The following EEA1 variants were observed in gnomAD, a reference collection of about 807,000 sequenced individuals.
EEA1 encodes the protein early endosome antigen 1, 162kD.
Under a neutral mutation model 209.2 loss-of-function variants are expected in EEA1, and 111 were observed. That is an observed-to-expected ratio of 0.53 (90% CI 0.45 to 0.62). The LOEUF (loss-of-function observed/expected upper bound fraction) is 0.62, where lower values mean the gene tolerates loss of function less well. Among genes scored for constraint, EEA1 ranks in the 20% least tolerant of loss-of-function variants. The pLI, the probability that EEA1 is intolerant of heterozygous loss-of-function variation, is 0.00. For synonymous variants in EEA1, 536 were observed against 540.6 expected, an observed-to-expected ratio of 0.99 and a Z score of 0.12; for missense variants, 1,343 against 1,530.8, an observed-to-expected ratio of 0.88 and a Z score of 2.05.
chr12:92,846,842 C>T (rs1877404727), intron 9 of EEA1, among the ~76,000 whole-genome samples: 1 of 152,084 alleles, frequency 6.6e-6, no homozygotes, highest in Non-Finnish European at 1.5e-5. Flanking sequence ...TATCTTCAGC[C>T]CCAACTAGGT....
chr12:92,813,813 G>A (rs1398108096), intron 15 of EEA1, among the ~76,000 whole-genome samples: 1 of 152,086 alleles, frequency 6.6e-6, no homozygotes, highest in Non-Finnish European at 1.5e-5. Flanking sequence ...AAGCGATCGA[G>A]ACTATCCTGG....
chr12:92,887,607 G>A (rs367763493), intron 2 of EEA1, among the ~76,000 whole-genome samples: 17 of 152,058 alleles, frequency 1.1e-4, no homozygotes, highest in African/African-American at 4.1e-4. Flanking sequence ...AGTGAACTAT[G>A]ACCACGCTCC....
At chr12:92,824,542 T>C (rs1164136314) in intron 13 of EEA1, among the ~76,000 whole-genome samples, 2 of 152,042 alleles carry the variant, frequency 1.3e-5, no homozygotes, top group Admixed American at 1.3e-4. Context: ...CTTCTAACAC[T>C]CTCCCATCCA....
Position 92,813,215 on chromosome 12 carries a change from T to C in EEA1, c.1930-122A>G, listed in dbSNP as rs969037792. 9 of 508,228 alleles carry C rather than the reference T, an allele frequency of 1.8e-5. No homozygotes were observed. In the East Asian group the frequency reaches 2.2e-4, roughly 13 times the overall value. 31.5% of individuals were successfully genotyped at this position (508,228 alleles called of 1,614,324 possible). ...AAATTAAGTCCTTGGCAAAAACATA[T>C]GGATTTATATATTGAAAAATATGTA... is the stretch of plus-strand genomic sequence containing the variant. On this transcript the variant is annotated intron_variant, in intron 15 of 28. Coordinates refer to ENST00000322349, the MANE Select transcript of EEA1 (RefSeq NM_003566.4).
At chr12:92,813,196 A>G (rs1875606179) in intron 15 of EEA1, 103 bp from the exon 16 acceptor site, 2 of 644,644 alleles carry the variant, frequency 3.1e-6, no homozygotes, top group Non-Finnish European at 4.8e-6. Context: ...TTAAAAATTA[A>G]GTCCTTGGCA....
chr12:92,871,272 T>C (rs1351775015), intron 2 of EEA1, among the ~76,000 whole-genome samples: 1 of 152,166 alleles, frequency 6.6e-6, no homozygotes, highest in Non-Finnish European at 1.5e-5. Context: ...TTATTGAAAC[T>C]TCCTTTAAGC....
rs974067125 is a variant in EEA1 at position 92,858,744 on chromosome 12, T to A, written c.246-1259A>T. The A allele has an allele frequency of 8.0e-6, 6 of 752,702 alleles. 1 individual carries two copies. Among genetic ancestry groups the A allele is most frequent in the Admixed American group, 5.2e-5 (3 of 57,334 alleles). The allele number at this position is 752,702 out of a possible 1,614,324, so 46.6% of individuals were successfully genotyped here. The stretch of plus-strand genomic sequence containing the variant: ...AGGTTCGTCTTGGTGAGATGAGGGA[T>A]GCCCTAAAGGAGAAAGTCATCAAAG... On this transcript the variant is annotated intron_variant, in intron 3 of 28. Transcript: ENST00000322349.
intron 15 of EEA1, among the ~76,000 whole-genome samples, chr12:92,813,610 A>G (rs1455630729): frequency 6.6e-6 from 1 of 152,240 alleles, no homozygotes; most frequent in Non-Finnish European, 1.5e-5. Context: ...TTAAATATTA[A>G]AAATTCAAGG....
intron 10 of EEA1, among the ~76,000 whole-genome samples, chr12:92,834,128 C>T (rs1466762252): frequency 6.6e-6 from 1 of 151,734 alleles, no homozygotes; most frequent in East Asian, 1.9e-4. Flanking sequence ...TGCTGCGTTC[C>T]CCAACATGGG....
At chr12:92,778,227 AAAAT>A in intron 25 of EEA1, 48 bp from the exon 26 acceptor site, 1 of 1,435,400 alleles carries the variant, frequency 7.0e-7, no homozygotes, top group Non-Finnish European at 9.7e-7. Context: ...AAAGTAGTGC[AAAAT>A]AAATGTAAGT....
chr12:92,826,319 A>G, intron 12 of EEA1, 34 bp from the exon 13 acceptor site: 1 of 1,586,516 alleles, frequency 6.3e-7, no homozygotes, highest in Non-Finnish European at 8.6e-7. Context: ...TTGAGAACTT[A>G]AAGGCATAAT....
chr12:92,777,341 T>C (rs940996890), intron 27 of EEA1, among the ~76,000 whole-genome samples: 9 of 151,986 alleles, frequency 5.9e-5, no homozygotes, highest in Non-Finnish European at 1.2e-4. Flanking sequence ...TGACATGGCT[T>C]TCTAATGAAT....
At chr12:92,835,400 C>CTGTTTTTTTTT (rs1876874860) in intron 10 of EEA1, 1 of 147,936 alleles carries the variant, frequency 6.8e-6, no homozygotes, top group Non-Finnish European at 1.3e-5. Flanking sequence ...AGTTTCACTC[C>CTGTTTTTTTTT]TTTTTTTTTT....
At chr12:92,883,972 G>C in intron 2 of EEA1, 1 of 1,427,984 alleles carries the variant, frequency 7.0e-7, no homozygotes, top group Non-Finnish European at 9.8e-7. Flanking sequence ...CACTGTGGAG[G>C]AGGTGGATGC....
chr12:92,858,955 A>C, intron 3 of EEA1: 2 of 699,348 alleles, frequency 2.9e-6, no homozygotes, highest in Non-Finnish European at 5.3e-6. Context: ...TTATACTAAG[A>C]TCAACCGTTC....
chr12:92,864,884 C>T lies in EEA1; in HGVS notation c.221G>A (p.Gly74Glu). The T allele has an allele frequency of 6.2e-7, 1 of 1,606,538 alleles. No individual in the cohort carries two copies. The highest frequency in any genetic ancestry group is 8.5e-7 in the Non-Finnish European group (1 of 1,177,126). ...HDAGNDSGHG[G>E]ESNLALKRDD... is the part of the protein sequence containing the mutation. ...CCGCTTCAAAGCAAGATTAGACTCT[C>T]CTCCATGACCTGAGTCATTACCAGC... Residue 74 changes from glycine (G) to glutamate (E), a missense_variant, in exon 3 of 29, where the codon GGA becomes GAA. By Grantham distance (98) the Gly-to-Glu change is moderately conservative. Coordinates refer to ENST00000322349, the MANE Select transcript of EEA1 (RefSeq NM_003566.4).
intron 1 of EEA1, among the ~76,000 whole-genome samples, chr12:92,893,132 A>G (rs1017238251): frequency 2.0e-5 from 3 of 152,238 alleles, no homozygotes; most frequent in African/African-American, 7.2e-5. Context: ...TTTATCACTT[A>G]GCATTATCAT....
intron 1 of EEA1, among the ~76,000 whole-genome samples, chr12:92,917,305 A>T (rs1880805042): frequency 1.6e-5 from 2 of 127,168 alleles, no homozygotes; most frequent in Admixed American, 1.5e-4. Flanking sequence ...GATTCACCAA[A>T]GTTGAAATGA....
chr12:92,915,734 T>C (rs987904499), intron 1 of EEA1, among the ~76,000 whole-genome samples: 1 of 152,208 alleles, frequency 6.6e-6, no homozygotes, highest in African/African-American at 2.4e-5. Context: ...CTCAATTTCT[T>C]CATTGATAAA....
Sources: allele counts gnomAD v4.1 joint callset (sites outside exome capture counted in the v4.1 genomes callset), GRCh38; gene constraint gnomAD v4.1.1; transcripts MANE v1.5; gene names NCBI Gene and HGNC (gene_info 2026-07-23, HGNC 2026-07-21).